The following SLC35F3 variants were observed in gnomAD, a reference collection of about 807,000 sequenced individuals.
The protein encoded by SLC35F3 is putative thiamine transporter SLC35F3.
Under a neutral mutation model 49.9 loss-of-function variants are expected in SLC35F3, and 25 were observed. The observed-to-expected ratio is 0.50, with a 90% CI of 0.37 to 0.70. SLC35F3 has a LOEUF of 0.70. Among genes scored for constraint, SLC35F3 ranks in the 30% least tolerant of loss-of-function variants. The pLI is 0.00. For missense variants in SLC35F3, 525 were observed against 639.8 expected (o/e 0.82, Z 1.94); for synonymous variants, 275 against 265.4 (o/e 1.04, Z -0.35).
rs182248425 is a variant in SLC35F3, at chr1:233,931,198, G to T, written c.283+25440G>T. ...CTGTAAAAATCCTAGAAGAAAACCT[G>T]GGCAATACCATTCAGGACATAGGCA... On this transcript the variant is annotated intron_variant, in intron 2 of 7. Coordinates refer to ENST00000366618, the MANE Select transcript of SLC35F3 (RefSeq NM_173508.4). Among the ~76,000 whole-genome samples, 329 of 152,144 alleles carry T rather than the reference G, an allele frequency of 2.2e-3. 2 individuals are homozygous for T. Among genetic ancestry groups the T allele is most frequent in the African/African-American group, 7.3e-3 (302 of 41,534 alleles).
At chr1:234,137,002 C>T (rs1047811272) in intron 2 of SLC35F3, among the ~76,000 whole-genome samples, 9 of 152,194 alleles carry the variant, frequency 5.9e-5, no homozygotes, top group African/African-American at 1.2e-4. Context: ...ACTGGATTCC[C>T]GGTTTGGTAC....
chr1:234,297,785 G>A (rs553336707), intron 3 of SLC35F3, among the ~76,000 whole-genome samples: 59 of 151,590 alleles, frequency 3.9e-4, no homozygotes, highest in African/African-American at 1.3e-3. Flanking sequence ...GAAGCAAGGA[G>A]TATAATGGTG....
rs138434262 is a variant in SLC35F3 at position 233,999,717 on chromosome 1, T to G, written c.283+93959T>G. Among the ~76,000 whole-genome samples the G allele has an allele frequency of 2.7e-3, 403 of 152,036 alleles. 4 individuals carry two copies. Among genetic ancestry groups the G allele is most frequent in the Non-Finnish European group, 3.6e-3 (248 of 67,946 alleles). On this transcript the variant is annotated intron_variant, in intron 2 of 7. Coordinates refer to ENST00000366618, the MANE Select transcript of SLC35F3 (RefSeq NM_173508.4). The stretch of plus-strand genomic sequence containing the variant: ...CAAGTGGCCGAGCCCATTTGTGCTC[T>G]GCAGCACACTCTTTCATACCTCGTA...
intron 2 of SLC35F3, among the ~76,000 whole-genome samples, chr1:233,983,577 G>GTGT (rs1193028032): frequency 6.6e-6 from 1 of 152,204 alleles, no homozygotes; most frequent in East Asian, 1.9e-4. Flanking sequence ...ATTACTCCAA[G>GTGT]TGTTTCCTCT....
intron 2 of SLC35F3, among the ~76,000 whole-genome samples, chr1:233,932,309 GT>G (rs1662256482): frequency 6.6e-6 from 1 of 152,054 alleles, no homozygotes; most frequent in African/African-American, 2.4e-5. Flanking sequence ...AAAAGAAGGG[GT>G]TGGTCTTGCT....
rs75841543 is a variant in SLC35F3, at chr1:234,089,376, C to A, written c.284-142041C>A. Among the ~76,000 whole-genome samples the A allele has an allele frequency of 2.0e-4, 31 of 152,048 alleles. No individual in the cohort carries two copies. In the East Asian group the frequency reaches 5.8e-3, roughly 28 times the overall value. On this transcript the variant is annotated intron_variant, in intron 2 of 7. Coordinates refer to ENST00000366618, the MANE Select transcript of SLC35F3 (RefSeq NM_173508.4). ...GGAAAATGGAGAGAGAACCAAGGGG[C>A]TTTCTAATAGATGAAAGCAGCATGT... is the stretch of plus-strand genomic sequence containing the variant.
chr1:234,285,609 TTTTAA>T (rs1668407832), intron 3 of SLC35F3: 1 of 267,106 alleles, frequency 3.7e-6, no homozygotes, highest in Admixed American at 4.9e-5. Context: ...ATTTGTGATA[TTTTAA>T]TGATGCAATA....
intron 2 of SLC35F3, among the ~76,000 whole-genome samples, chr1:234,143,288 C>CTTTTCTTTTTTTTTTT (rs1478216426): frequency 1.6e-5 from 2 of 123,564 alleles, no homozygotes; most frequent in African/African-American, 3.5e-5. Context: ...CTTTTCTTTT[C>CTTTTCTTTTTTTTTTT]TTTTTTTTTT....
At chr1:234,017,010 C>T (rs1395483610) in intron 2 of SLC35F3, among the ~76,000 whole-genome samples, 1 of 152,158 alleles carries the variant, frequency 6.6e-6, no homozygotes, top group African/African-American at 2.4e-5. Flanking sequence ...CATTTAACCC[C>T]ATTAAACATC....
At chr1:234,321,587 C>A (rs940804453) in intron 7 of SLC35F3, among the ~76,000 whole-genome samples, 1 of 152,186 alleles carries the variant, frequency 6.6e-6, no homozygotes, top group Admixed American at 6.5e-5. Context: ...AGAAGGCGTG[C>A]TCCAGTTGTC....
In SLC35F3 at chr1:234,042,814, A is replaced by G. The variant is rs1396108316; in HGVS notation, c.283+137056A>G. ...TGAAGATCCCGTTTTTATGAAGTGT[A>G]GTAGGTGCACCTAGTAACAACTGAA... On this transcript the variant is annotated intron_variant, in intron 2 of 7. Coordinates refer to ENST00000366618, the MANE Select transcript of SLC35F3 (RefSeq NM_173508.4). 2.6e-5 allele frequency among the ~76,000 whole-genome samples: 4 copies of G among 152,236 alleles called. No homozygotes were observed. In the East Asian group the frequency reaches 7.7e-4, roughly 29 times the overall value.
chr1:234,145,094 T>G (rs1214266315), intron 2 of SLC35F3, among the ~76,000 whole-genome samples: 1 of 152,226 alleles, frequency 6.6e-6, no homozygotes, highest in East Asian at 1.9e-4. Context: ...CAGGACTAAC[T>G]TTCATCACAG....
At chr1:234,077,420 G>A (rs747793625) in intron 2 of SLC35F3, among the ~76,000 whole-genome samples, 1 of 152,184 alleles carries the variant, frequency 6.6e-6, no homozygotes, top group Non-Finnish European at 1.5e-5. Flanking sequence ...GCTGCAGGAA[G>A]GAGAAGTGCT....
At chr1:233,971,444 G>A (rs900303309) in intron 2 of SLC35F3, among the ~76,000 whole-genome samples, 4 of 152,310 alleles carry the variant, frequency 2.6e-5, no homozygotes, top group South Asian at 4.1e-4. Flanking sequence ...AGCTGGGCGC[G>A]GTGGCTCACG....
chr1:233,992,878 G>A (rs1450656268), intron 2 of SLC35F3, among the ~76,000 whole-genome samples: 1 of 152,070 alleles, frequency 6.6e-6, no homozygotes, highest in Non-Finnish European at 1.5e-5. Context: ...GAAAGTGGGA[G>A]GGCAGCCTGT....
Position 234,151,011 on chromosome 1 carries a change from A to G in SLC35F3, c.284-80406A>G, listed in dbSNP as rs551607343. On this transcript the variant is annotated intron_variant, in intron 2 of 7. Coordinates refer to ENST00000366618, the MANE Select transcript of SLC35F3 (RefSeq NM_173508.4). ...CTGACTCCAATACCAGGTCAGTGTA[A>G]GAGGCTCAGGGCAAGAAGGACTGAA... is the stretch of plus-strand genomic sequence containing the variant. 3.8e-4 allele frequency among the ~76,000 whole-genome samples: 58 copies of G among 152,324 alleles called. 1 individual carries two copies. The South Asian group carries it at 9.1e-3, about 24-fold the overall frequency.
intron 2 of SLC35F3, among the ~76,000 whole-genome samples, chr1:233,956,371 A>G (rs1266524396): frequency 6.6e-6 from 1 of 152,174 alleles, no homozygotes; most frequent in East Asian, 1.9e-4. Context: ...GAGGCAAAGG[A>G]GCTGGCCCCA....
chr1:234,028,048 A>T (rs1462548963), intron 2 of SLC35F3, among the ~76,000 whole-genome samples: 2 of 152,168 alleles, frequency 1.3e-5, no homozygotes, highest in Non-Finnish European at 2.9e-5. Context: ...GGCCAGCTAG[A>T]TCTTATGGAA....
intron 3 of SLC35F3, among the ~76,000 whole-genome samples, chr1:234,288,037 T>C (rs1668451236): frequency 6.6e-6 from 1 of 151,808 alleles, no homozygotes; most frequent in Non-Finnish European, 1.5e-5. Flanking sequence ...CAGGTGTGCA[T>C]CACCACACCT....
Sources: gnomAD v4.1 joint callset for allele counts (sites outside exome capture counted in the v4.1 genomes callset) on GRCh38, gnomAD v4.1.1 for gene constraint, MANE v1.5 for transcripts, NCBI Gene and HGNC (gene_info 2026-07-23, HGNC 2026-07-21) for gene names.